The following IL1RAPL2 variants were observed in gnomAD, a reference collection of about 807,000 sequenced individuals.
The protein encoded by IL1RAPL2 is X-linked interleukin-1 receptor accessory protein-like 2.
IL1RAPL2 carries 3 observed loss-of-function variants against 44.1 expected under a neutral mutation model. The ratio of observed to expected loss-of-function variants is 0.07; its 90% CI spans 0.03 to 0.18. IL1RAPL2 has a LOEUF of 0.18. IL1RAPL2 is among the 10% of genes least tolerant of loss of function. The pLI, the probability that IL1RAPL2 is intolerant of heterozygous loss-of-function variation, is 1.00. For synonymous variants in IL1RAPL2, 181 were observed against 178.8 expected (o/e 1.01, Z -0.10); for missense variants, 391 against 496.4 (o/e 0.79, Z 2.02).
At chrX:105,010,875 A>T (rs1488090773) in intron 2 of IL1RAPL2, among the ~76,000 whole-genome samples, 1 of 111,520 alleles carries the variant, frequency 9.0e-6, no homozygotes, top group Non-Finnish European at 1.9e-5. Context: ...AAAAAATCTC[A>T]ATTTATTTAC....
At chrX:104,955,452 C>A (rs2147713041) in intron 2 of IL1RAPL2, among the ~76,000 whole-genome samples, 1 of 106,445 alleles carries the variant, frequency 9.4e-6, no homozygotes, top group African/African-American at 3.5e-5. Flanking sequence ...TTTATTTCAG[C>A]TCACCATTAT....
At chrX:105,753,669 C>A (rs2038614149) in intron 9 of IL1RAPL2, among the ~76,000 whole-genome samples, 1 of 111,745 alleles carries the variant, frequency 8.9e-6, no homozygotes, top group African/African-American at 3.2e-5. Flanking sequence ...ATGCGCCCAA[C>A]TTGTAAGCGA....
Position 105,375,025 on chromosome X carries a change from TG to T in IL1RAPL2, c.697+107487del, listed in dbSNP as rs1297986282. 2.4e-4 allele frequency among the ~76,000 whole-genome samples: 26 copies of T among 109,922 alleles called. No individual in the cohort carries two copies. In the Admixed American group the frequency reaches 2.5e-3, roughly 11 times the overall value. On this transcript the variant is annotated intron_variant, in intron 5 of 10. Transcript: ENST00000372582. The stretch of plus-strand genomic sequence containing the variant: ...TGAAGTTATCAGCCTAAGGAGCTTT[TG>T]GGCTAAGTGTATAAGGTTTTCTAGA...
At chrX:105,234,102 T>C (rs1442493591) in intron 4 of IL1RAPL2, 98 bp downstream of exon 4, 2 of 604,819 alleles carry the variant, frequency 3.3e-6, no homozygotes, top group African/African-American at 2.3e-5. Flanking sequence ...TGGTATTAGA[T>C]ATTTCACTGA....
intron 2 of IL1RAPL2, among the ~76,000 whole-genome samples, chrX:105,160,370 A>AT (rs943714701): frequency 7.2e-5 from 8 of 111,097 alleles, no homozygotes; most frequent in Non-Finnish European, 7.5e-5. Flanking sequence ...CTTCCATGTT[A>AT]TTTTTATTAT....
At chrX:105,202,684 A>G (rs951308923) in intron 3 of IL1RAPL2, among the ~76,000 whole-genome samples, 1 of 111,854 alleles carries the variant, frequency 8.9e-6, no homozygotes, top group Admixed American at 9.5e-5. Context: ...CATCTAGCAT[A>G]GTTCCAATTC....
At position 104,668,503 on chromosome X, in the gene IL1RAPL2, A is replaced by T. The variant is rs191298420; in HGVS notation, c.82+9508A>T. ...CCCCCCACCGCACAACAGTCCCCAG[A>T]GTGTGATGCTCGTGTTTCTGTTCAC... is the stretch of plus-strand genomic sequence containing the variant. On this transcript the variant is annotated intron_variant, in intron 2 of 10. Coordinates refer to ENST00000372582, the MANE Select transcript of IL1RAPL2 (RefSeq NM_017416.2). Among the ~76,000 whole-genome samples the T allele has an allele frequency of 3.2e-3, 255 of 79,773 alleles. 1 individual carries two copies. The highest frequency in any genetic ancestry group is 4.7e-3 in the Non-Finnish European group (204 of 43,579). The allele number at this position is 79,773 out of a possible 115,157, so 69.3% of individuals were successfully genotyped here. A position where few individuals can be genotyped will look rare whatever the true frequency, so the allele number is the denominator to read the frequency against.
rs2036251430 is a variant in IL1RAPL2, at chrX:105,484,317, A to G, written c.702A>G (p.Leu234=). The G allele has an allele frequency of 8.4e-7, 1 of 1,195,256 alleles. No homozygotes were observed. The highest frequency in any genetic ancestry group is 1.7e-5 in the African/African-American group (1 of 57,397). The part of the protein sequence containing the change: ...RRTTELKVTA[L]LTDKPPKPLF... The stretch of plus-strand genomic sequence containing the variant: ...TTCTTTCATTTTCTCTTCTAGCTTT[A>G]CTCACAGACAAGCCTCCCAAGCCAT... The change falls in exon 6 of 11, where the codon TTA becomes TTG. Residue 234 remains leucine (L), a synonymous_variant. Transcript: ENST00000372582.
chrX:104,601,687 A>T (rs1928886005), intron 1 of IL1RAPL2, among the ~76,000 whole-genome samples: 1 of 111,712 alleles, frequency 9.0e-6, no homozygotes, highest in African/African-American at 3.3e-5. Context: ...TTGTTTTTTG[A>T]CTTTTTAAAA....
chrX:104,962,987 C>G (rs1442499055), intron 2 of IL1RAPL2, among the ~76,000 whole-genome samples: 2 of 111,800 alleles, frequency 1.8e-5, no homozygotes, highest in African/African-American at 3.3e-5. Flanking sequence ...CAATATTTAC[C>G]TGGGTTTCTT....
chrX:105,145,454 G>A (rs745802866), intron 2 of IL1RAPL2, among the ~76,000 whole-genome samples: 1 of 111,572 alleles, frequency 9.0e-6, no homozygotes, highest in Admixed American at 9.5e-5. Flanking sequence ...AAGGAGGCAG[G>A]TTGGTTAAGA....
At chrX:105,111,287 T>G (rs1251669978) in intron 2 of IL1RAPL2, among the ~76,000 whole-genome samples, 2 of 112,072 alleles carry the variant, frequency 1.8e-5, no homozygotes, top group Non-Finnish European at 3.8e-5. Flanking sequence ...TGTTTTTCTA[T>G]TTGTTTTCTC....
chrX:105,598,539 T>C (rs1222312134), intron 6 of IL1RAPL2, among the ~76,000 whole-genome samples: 1 of 111,909 alleles, frequency 8.9e-6, no homozygotes, highest in Non-Finnish European at 1.9e-5. Context: ...TATATATCTA[T>C]GAAAACATCA....
chrX:105,726,293 A>T (rs763127879), intron 7 of IL1RAPL2, among the ~76,000 whole-genome samples: 1 of 112,164 alleles, frequency 8.9e-6, no homozygotes, highest in Non-Finnish European at 1.9e-5. Context: ...TTGCAGATAA[A>T]GAAACTGAAG....
intron 5 of IL1RAPL2, among the ~76,000 whole-genome samples, chrX:105,419,512 T>G (rs2035759245): frequency 8.9e-6 from 1 of 111,994 alleles, no homozygotes; most frequent in South Asian, 3.7e-4. Context: ...GAATTGAGAA[T>G]GGGGATGTTG....
chrX:104,823,139 T>C (rs1005581272), intron 2 of IL1RAPL2, among the ~76,000 whole-genome samples: 8 of 111,027 alleles, frequency 7.2e-5, no homozygotes, highest in African/African-American at 2.6e-4. Context: ...TTAGGGTACA[T>C]GTGCACATTG....
intron 2 of IL1RAPL2, among the ~76,000 whole-genome samples, chrX:104,910,987 G>A (rs1924218097): frequency 8.9e-6 from 1 of 111,993 alleles, no homozygotes; most frequent in South Asian, 3.7e-4. Flanking sequence ...GAATAAATCA[G>A]AAGAGATTAA....
chrX:105,268,637 C>G (rs1464648215), intron 5 of IL1RAPL2, among the ~76,000 whole-genome samples: 12 of 109,205 alleles, frequency 1.1e-4, no homozygotes, highest in Non-Finnish European at 2.3e-4. Flanking sequence ...GGCGTGGTGG[C>G]ATGTGCCGAT....
chrX:105,288,870 C>T (rs1051758299), intron 5 of IL1RAPL2, among the ~76,000 whole-genome samples: 3 of 110,454 alleles, frequency 2.7e-5, no homozygotes, highest in South Asian at 3.9e-4. Context: ...TCTTATATCC[C>T]AACCTTAATG....
Sources: gnomAD v4.1 joint callset for allele counts (sites outside exome capture counted in the v4.1 genomes callset) on GRCh38, gnomAD v4.1.1 for gene constraint, MANE v1.5 for transcripts, NCBI Gene and HGNC (gene_info 2026-07-23, HGNC 2026-07-21) for gene names.